The following AIG1 variants were observed in gnomAD, a reference collection of about 807,000 sequenced individuals.
AIG1 encodes the protein androgen induced 1, also known as androgen-induced gene 1 protein.
AIG1 carries 23 observed loss-of-function variants against 31.4 expected under a neutral mutation model. That is an observed-to-expected ratio of 0.73 (90% CI 0.53 to 1.04). The LOEUF (loss-of-function observed/expected upper bound fraction) is 1.04. Among genes scored for constraint, AIG1 ranks in the 50% least tolerant of loss-of-function variants. The pLI is 0.00. For missense variants in AIG1, 274 were observed against 295.0 expected, an observed-to-expected ratio of 0.93 and a Z score of 0.52; for synonymous variants, 100 against 110.5, an observed-to-expected ratio of 0.90 and a Z score of 0.60.
intron 1 of AIG1, among the ~76,000 whole-genome samples, chr6:143,124,987 G>C (rs1782571069): frequency 6.6e-6 from 1 of 152,160 alleles, no homozygotes; most frequent in African/African-American, 2.4e-5. Flanking sequence ...TCTTTGGGGA[G>C]GACGTCCTTT....
intron 3 of AIG1, among the ~76,000 whole-genome samples, chr6:143,214,708 G>T (rs1317476620): frequency 6.6e-6 from 1 of 152,002 alleles, no homozygotes; most frequent in African/African-American, 2.4e-5. Flanking sequence ...CAACATCTTG[G>T]TGCCATGGTC....
Position 143,195,004 on chromosome 6 carries a change from G to A in AIG1, c.399+29821G>A, listed in dbSNP as rs9386026. Among the ~76,000 whole-genome samples, 474 of 152,312 alleles carry A rather than the reference G, an allele frequency of 3.1e-3. 10 individuals are homozygous for A. The East Asian group carries it at 0.064, about 21-fold the overall frequency. On this transcript the variant is annotated intron_variant, in intron 3 of 5. Coordinates refer to ENST00000357847, the MANE Select transcript of AIG1 (RefSeq NM_016108.4). Reference sequence around the variant, plus strand: ...GAGATTTACCCATTCATGGAGATTGGCCCAACACATATTTATTTAACCCCT... The same window carrying A: ...GAGATTTACCCATTCATGGAGATTGACCCAACACATATTTATTTAACCCCT...
At chr6:143,198,381 A>G (rs1486638938) in intron 3 of AIG1, among the ~76,000 whole-genome samples, 4 of 152,250 alleles carry the variant, frequency 2.6e-5, no homozygotes, top group African/African-American at 7.2e-5. Context: ...TCTCCAGGAC[A>G]GAATCTGACA....
intron 2 of AIG1, among the ~76,000 whole-genome samples, chr6:143,157,112 G>A (rs1160003041): frequency 1.3e-5 from 2 of 151,832 alleles, no homozygotes; most frequent in African/African-American, 4.8e-5. Context: ...GGTAAAAGAG[G>A]AAAAAATGAT....
At chr6:143,226,606 C>A (rs993966922) in intron 3 of AIG1, among the ~76,000 whole-genome samples, 2 of 152,142 alleles carry the variant, frequency 1.3e-5, no homozygotes, top group East Asian at 1.9e-4. Flanking sequence ...CCAAATAATT[C>A]TGTTAGCTGC....
intron 3 of AIG1, among the ~76,000 whole-genome samples, chr6:143,245,277 C>T (rs907462625): frequency 6.6e-6 from 1 of 152,158 alleles, no homozygotes; most frequent in Non-Finnish European, 1.5e-5. Flanking sequence ...CAGTTTATTT[C>T]AGTGGAAAGT....
chr6:143,251,496 A>T (rs939477171), intron 3 of AIG1, among the ~76,000 whole-genome samples: 4 of 148,584 alleles, frequency 2.7e-5, no homozygotes, highest in Non-Finnish European at 5.9e-5. Flanking sequence ...TGCAAACTAG[A>T]TTGGACTCTT....
chr6:143,307,842 G>A (rs1404315710), intron 4 of AIG1, among the ~76,000 whole-genome samples: 3 of 152,254 alleles, frequency 2.0e-5, no homozygotes, highest in Non-Finnish European at 2.9e-5. Flanking sequence ...GCCTCCCTGA[G>A]CTGTGGTGGG....
intron 3 of AIG1, among the ~76,000 whole-genome samples, chr6:143,261,124 T>A (rs971411614): frequency 2.0e-5 from 3 of 152,058 alleles, no homozygotes; most frequent in African/African-American, 7.2e-5. Context: ...AAGGAAAGCA[T>A]GAGTAGCTCT....
chr6:143,243,132 C>G (rs1026932964), intron 3 of AIG1, among the ~76,000 whole-genome samples: 1 of 152,168 alleles, frequency 6.6e-6, no homozygotes, highest in Non-Finnish European at 1.5e-5. Context: ...AATTCACTAT[C>G]TTCCTTTTAG....
At chr6:143,321,469 C>T (rs768438242) in intron 4 of AIG1, among the ~76,000 whole-genome samples, 4 of 151,738 alleles carry the variant, frequency 2.6e-5, no homozygotes, top group Non-Finnish European at 5.9e-5. Flanking sequence ...TGTGGTTGCA[C>T]GCACCTGTAA....
intron 3 of AIG1, among the ~76,000 whole-genome samples, chr6:143,283,826 G>A (rs867300067): frequency 2.0e-5 from 3 of 152,220 alleles, no homozygotes; most frequent in Middle Eastern, 6.8e-3. Flanking sequence ...CCTCTCTTTG[G>A]TTCCAGTTTT....
At chr6:143,243,665 A>T (rs1794412454) in intron 3 of AIG1, among the ~76,000 whole-genome samples, 1 of 152,236 alleles carries the variant, frequency 6.6e-6, no homozygotes, top group Non-Finnish European at 1.5e-5. Flanking sequence ...TAAAGTATTG[A>T]TATAGGACAG....
intron 4 of AIG1, among the ~76,000 whole-genome samples, chr6:143,308,962 A>G (rs1775034252): frequency 6.6e-6 from 1 of 152,000 alleles, no homozygotes; most frequent in African/African-American, 2.4e-5. Flanking sequence ...AATATATTTA[A>G]AAGAAAAACT....
intron 3 of AIG1, among the ~76,000 whole-genome samples, chr6:143,262,249 G>A (rs1374078583): frequency 6.6e-6 from 1 of 152,194 alleles, no homozygotes; most frequent in Non-Finnish European, 1.5e-5. Flanking sequence ...AATCCAAGTA[G>A]CATAGGAAAT....
chr6:143,333,551 A>T lies in AIG1; in HGVS notation c.679+106A>T, dbSNP rs571304336. On this transcript the variant is annotated intron_variant, in intron 5 of 5. Coordinates refer to ENST00000357847, the MANE Select transcript of AIG1 (RefSeq NM_016108.4). This position sits in a 1 kb window ranked among gnomAD's most constrained non-coding sequence, Gnocchi z 4.6. ...TGTAGCCTCTTCTTTTAGCCTTCAC[A>T]CAGGATCTCCTATAAAGAGCTCCAT... 7.5e-5 allele frequency: 89 copies of T among 1,193,012 alleles called. 1 individual carries two copies. The highest frequency in any genetic ancestry group is 1.3e-4 in the Admixed American group (5 of 37,796). The allele number at this position is 1,193,012 out of a possible 1,614,324, so 73.9% of individuals were successfully genotyped here.
Position 143,334,080 on chromosome 6 carries a change from C to T in AIG1, c.679+635C>T. 6.4e-7 allele frequency: 1 copy of T among 1,550,458 alleles called. No individual in the cohort carries two copies. Among genetic ancestry groups the T allele is most frequent in the Non-Finnish European group, 8.7e-7 (1 of 1,146,924 alleles). ...TCTTTTGTTTCCATTTATGGCAGAG[C>T]CTCCATCTTGGCAAGGCACGTAATC... On this transcript the variant is annotated intron_variant, in intron 5 of 5. Coordinates refer to ENST00000357847, the MANE Select transcript of AIG1 (RefSeq NM_016108.4). This position sits in a 1 kb window ranked among gnomAD's most constrained non-coding sequence, Gnocchi z 5.1.
At chr6:143,229,927 A>G (rs746084196) in intron 3 of AIG1, among the ~76,000 whole-genome samples, 1 of 152,106 alleles carries the variant, frequency 6.6e-6, no homozygotes, top group Non-Finnish European at 1.5e-5. Context: ...ATCAGATTCG[A>G]TGGGACATTT....
At chr6:143,270,376 T>G (rs949362825) in intron 3 of AIG1, among the ~76,000 whole-genome samples, 3 of 152,226 alleles carry the variant, frequency 2.0e-5, no homozygotes, top group African/African-American at 4.8e-5. Context: ...GAATTTGATG[T>G]AACAGAAATG....
Sources: gnomAD v4.1 joint callset for allele counts (sites outside exome capture counted in the v4.1 genomes callset) on GRCh38, gnomAD v4.1.1 for gene constraint, Gnocchi (gnomAD v3.1) non-coding constraint, MANE v1.5 for transcripts, NCBI Gene and HGNC (gene_info 2026-07-23, HGNC 2026-07-21) for gene names.